GAK: variants seen among roughly 807,000 people sequenced by gnomAD.
The protein encoded by GAK is cyclin-G-associated kinase.
Under a neutral mutation model 143.9 loss-of-function variants are expected in GAK, and 79 were observed. The observed-to-expected ratio is 0.55, with a 90% CI of 0.46 to 0.66. GAK has a LOEUF of 0.66. GAK is among the 30% of genes least tolerant of loss of function. The pLI is 0.00. For missense variants in GAK, 1,693 were observed against 1,779.7 expected (o/e 0.95, Z 0.88); for synonymous variants, 881 against 765.5 (o/e 1.15, Z -2.49).
At chr4:900,529 C>G (rs1461598446) in intron 5 of GAK, among the ~76,000 whole-genome samples, 1 of 152,174 alleles carries the variant, frequency 6.6e-6, no homozygotes, top group South Asian at 2.1e-4. Context: ...CACGACCCAT[C>G]ACACTTCAAA....
At chr4:913,573 A>C in intron 2 of GAK, 34 bp downstream of exon 2, 1 of 1,545,260 alleles carries the variant, frequency 6.5e-7, no homozygotes, top group East Asian at 2.2e-5. Flanking sequence ...TACATACGTC[A>C]GAAATCCAGA....
At chr4:896,960 T>C (rs1718923471) in intron 6 of GAK, among the ~76,000 whole-genome samples, 1 of 152,240 alleles carries the variant, frequency 6.6e-6, no homozygotes, top group African/African-American at 2.4e-5. Flanking sequence ...TGAGGGTATC[T>C]GGGAGGAGGA....
intron 1 of GAK, among the ~76,000 whole-genome samples, chr4:925,016 C>T (rs1166163679): frequency 6.6e-6 from 1 of 152,074 alleles, no homozygotes; most frequent in Non-Finnish European, 1.5e-5. Context: ...GATCTGAGAT[C>T]ACACCCCTGT....
chr4:865,030 G>A (rs1385931030), intron 23 of GAK, 92 bp downstream of exon 23: 11 of 1,503,500 alleles, frequency 7.3e-6, no homozygotes, highest in Non-Finnish European at 9.9e-6. Context: ...TCTCTGCGCA[G>A]AGAGGGCCCT....
intron 5 of GAK, among the ~76,000 whole-genome samples, chr4:900,584 T>A (rs1335033118): frequency 1.3e-5 from 2 of 150,566 alleles, no homozygotes; most frequent in African/African-American, 2.4e-5. Flanking sequence ...AATCCACCAC[T>A]CAGAGACTCC....
chr4:875,940 C>CA (rs1022725291), intron 18 of GAK, among the ~76,000 whole-genome samples: 15 of 151,266 alleles, frequency 9.9e-5, no homozygotes, highest in East Asian at 1.9e-4. Context: ...GACTCTGTCT[C>CA]AAAAAAAAAG....
At chr4:874,447 T>C (rs775978057) in intron 18 of GAK, among the ~76,000 whole-genome samples, 5 of 152,202 alleles carry the variant, frequency 3.3e-5, no homozygotes, top group Admixed American at 6.5e-5. Context: ...GAAGACATCC[T>C]TAACTGGCTT....
In GAK at chr4:896,534, T is replaced by G. The variant is rs983931046; in HGVS notation, c.667A>C (p.Thr223Pro). Residue 223 changes from threonine (T) to proline (P), a missense_variant, in exon 7 of 28, where the codon ACA becomes CCA. Physicochemically the swap from Thr to Pro is conservative, Grantham distance 38. Around this residue, in one of 2 missense-constraint regions of GAK, gnomAD observed 871 missense variants for 991.0 expected, o/e 0.88. Coordinates refer to ENST00000314167, the MANE Select transcript of GAK (RefSeq NM_005255.4). ...ATTTCTGGTGTTCTATACATTGGTGTTGTATTCCTCGTGATCTGAAAAAAT... is the reference window on the plus strand; with the variant it reads ...ATTTCTGGTGTTCTATACATTGGTGGTGTATTCCTCGTGATCTGAAAAAAT... The part of the protein sequence containing the change: ...LVEEEITRNT[T>P]PMYRTPEIID... The G allele has an allele frequency of 6.2e-6, 10 of 1,612,760 alleles. No individual in the cohort carries two copies. The highest frequency in any genetic ancestry group is 5.0e-5 in the Admixed American group (3 of 60,006).
In GAK at chr4:890,556, G is replaced by A. The variant is rs1415377566; in HGVS notation, c.1057C>T (p.Pro353Ser). 5 of 1,610,650 alleles carry A rather than the reference G, an allele frequency of 3.1e-6. No individual in the cohort carries two copies. The highest frequency in any genetic ancestry group is 4.2e-6 in the Non-Finnish European group (5 of 1,178,970). ...LSRGPPPPVG[P>S]AGSGYSGGLA... ...CCTCCACTGTAGCCACTGCCAGCGG[G>A]GCCCACGGGAGGGGGTGGCCCTCGG... is the stretch of plus-strand genomic sequence containing the variant. The change falls in exon 10 of 28, where the codon CCC becomes TCC. Residue 353 changes from proline (P) to serine (S), a missense_variant. By Grantham distance (74) the Pro-to-Ser change is moderately conservative. Around this residue, in one of 2 missense-constraint regions of GAK, gnomAD observed 871 missense variants for 991.0 expected, o/e 0.88. Coordinates refer to ENST00000314167, the MANE Select transcript of GAK (RefSeq NM_005255.4).
intron 5 of GAK, among the ~76,000 whole-genome samples, chr4:898,518 C>T (rs1317098019): frequency 6.6e-6 from 1 of 152,212 alleles, no homozygotes; most frequent in African/African-American, 2.4e-5. Context: ...AAATAAAAAG[C>T]AGAAAATTAA....
At chr4:903,274 C>G (rs28561557) in intron 5 of GAK, among the ~76,000 whole-genome samples, 4 of 151,762 alleles carry the variant, frequency 2.6e-5, no homozygotes, top group Admixed American at 6.6e-5. Context: ...CACGCCAACC[C>G]CGGGATGCCA....
At chr4:922,692 C>T (rs961762582) in intron 1 of GAK, among the ~76,000 whole-genome samples, 13 of 152,214 alleles carry the variant, frequency 8.5e-5, no homozygotes, top group Middle Eastern at 3.4e-3. Flanking sequence ...CAGGCTGATA[C>T]GCTCCTACAT....
chr4:859,357 C>T (rs540459860), intron 24 of GAK: 53 of 1,446,214 alleles, frequency 3.7e-5, no homozygotes, highest in African/African-American at 1.7e-4. Flanking sequence ...GGATGGATCA[C>T]GCACCACAAT....
intron 19 of GAK, 30 bp from the exon 20 acceptor site, chr4:868,715 G>T (rs1017177010): frequency 1.4e-5 from 22 of 1,541,210 alleles, no homozygotes; most frequent in Non-Finnish European, 1.8e-5. Flanking sequence ...TCAGGGCACT[G>T]GCACTGGCCA....
chr4:883,258 C>A, intron 13 of GAK, 57 bp downstream of exon 13: 21 of 1,592,032 alleles, frequency 1.3e-5, no homozygotes, highest in Non-Finnish European at 1.8e-5. Context: ...TATGCCCCTG[C>A]ACTGGAGCGG....
At chr4:862,044 G>C (rs1263029160) in intron 23 of GAK, among the ~76,000 whole-genome samples, 1 of 152,208 alleles carries the variant, frequency 6.6e-6, no homozygotes, top group Admixed American at 6.5e-5. Flanking sequence ...CATCTGCTAA[G>C]ATGCAGCTGA....
chr4:890,558 C>A lies in GAK; in HGVS notation c.1055G>T (p.Gly352Val), dbSNP rs1314171115. The change falls in exon 10 of 28, where the codon GGC becomes GTC. Residue 352 changes from glycine (G) to valine (V), a missense_variant. Physicochemically the swap from Gly to Val is moderately radical, Grantham distance 109 (BLOSUM62 -3). This residue lies in a region of GAK where 871 missense variants were observed against 991.0 expected (regional missense o/e 0.88). Transcript: ENST00000314167. ...TLSRGPPPPV[G>V]PAGSGYSGGL... Reference sequence around the variant, plus strand: ...TCCACTGTAGCCACTGCCAGCGGGGCCCACGGGAGGGGGTGGCCCTCGGGA... The same window carrying A: ...TCCACTGTAGCCACTGCCAGCGGGGACCACGGGAGGGGGTGGCCCTCGGGA... 4.3e-6 allele frequency: 7 copies of A among 1,610,438 alleles called. No individual in the cohort carries two copies. The African/African-American group carries it at 9.4e-5, about 22-fold the overall frequency.
intron 11 of GAK, chr4:887,497 TACAC>T (rs1716696533): frequency 7.0e-6 from 1 of 142,074 alleles, no homozygotes; most frequent in African/African-American, 2.7e-5. Context: ...TGTGCATGCG[TACAC>T]ATGCATGTGG....
chr4:902,893 T>A (rs573356273), intron 5 of GAK, among the ~76,000 whole-genome samples: 2 of 152,222 alleles, frequency 1.3e-5, no homozygotes, highest in Admixed American at 1.3e-4. Context: ...GGAAGTTTAC[T>A]GAAGAGCAAG....
Sources: gnomAD v4.1 joint callset for allele counts (sites outside exome capture counted in the v4.1 genomes callset) on GRCh38, gnomAD v4.1.1 for gene constraint, gnomAD v4.1.1 regional missense constraint, MANE v1.5 for transcripts, NCBI Gene and HGNC (gene_info 2026-07-23, HGNC 2026-07-21) for gene names.